GPC5: variants seen among roughly 807,000 people sequenced by gnomAD.
GPC5 encodes the protein glypican 5.
Under a neutral mutation model 53.9 loss-of-function variants are expected in GPC5, and 47 were observed. That is an observed-to-expected ratio of 0.87 (90% CI 0.69 to 1.11). GPC5 has a LOEUF of 1.11. Among genes scored for constraint, GPC5 ranks in the 50% most tolerant of loss-of-function variants. The probability of loss-of-function intolerance (pLI) is 0.00; values close to 1 mark genes in which losing one functional copy is unlikely to be tolerated. For missense variants in GPC5, 748 were observed against 713.1 expected, an observed-to-expected ratio of 1.05 and a Z score of -0.56; for synonymous variants, 286 against 263.3, an observed-to-expected ratio of 1.09 and a Z score of -0.84.
chr13:91,639,934 T>C (rs1406530014), intron 2 of GPC5, among the ~76,000 whole-genome samples: 5 of 152,152 alleles, frequency 3.3e-5, no homozygotes, highest in Non-Finnish European at 7.4e-5. Flanking sequence ...GAATTAAACC[T>C]AAGTCCTTCA....
intron 6 of GPC5, among the ~76,000 whole-genome samples, chr13:92,122,309 G>A (rs1489066257): frequency 1.3e-5 from 2 of 150,204 alleles, no homozygotes; most frequent in African/African-American, 4.9e-5. Flanking sequence ...TAATCTGCTG[G>A]CCCTTTTGCT....
intron 4 of GPC5, among the ~76,000 whole-genome samples, chr13:91,743,217 C>A (rs2036974211): frequency 6.6e-6 from 1 of 152,140 alleles, no homozygotes; most frequent in African/African-American, 2.4e-5. Context: ...TTGGAAAGAA[C>A]CTCAAGTTCA....
intron 7 of GPC5, among the ~76,000 whole-genome samples, chr13:92,516,017 C>T (rs1445739401): frequency 6.6e-6 from 1 of 152,070 alleles, no homozygotes; most frequent in Non-Finnish European, 1.5e-5. Context: ...ATCATATATT[C>T]TGTATTTTCA....
intron 7 of GPC5, among the ~76,000 whole-genome samples, chr13:92,780,475 C>A (rs946237570): frequency 3.3e-5 from 5 of 151,780 alleles, no homozygotes; most frequent in African/African-American, 7.3e-5. Context: ...GTTCTCTCCC[C>A]AAGTGATAAT....
chr13:91,916,392 G>T (rs1028170372), intron 6 of GPC5, among the ~76,000 whole-genome samples: 2 of 152,096 alleles, frequency 1.3e-5, no homozygotes, highest in African/African-American at 4.8e-5. Context: ...CAACTCAAAT[G>T]TTCCTCAATT....
At chr13:91,527,609 A>G (rs1886148596) in intron 2 of GPC5, among the ~76,000 whole-genome samples, 1 of 152,238 alleles carries the variant, frequency 6.6e-6, no homozygotes, top group Admixed American at 6.5e-5. Context: ...AGCTCCACTA[A>G]GCAGTACCCC....
intron 7 of GPC5, among the ~76,000 whole-genome samples, chr13:92,849,972 C>A (rs911324733): frequency 1.3e-5 from 2 of 152,120 alleles, no homozygotes; most frequent in Non-Finnish European, 2.9e-5. Flanking sequence ...GCCAACCCTG[C>A]CATAGACATA....
chr13:91,722,504 A>C (rs1007004292), intron 3 of GPC5, among the ~76,000 whole-genome samples: 6 of 152,200 alleles, frequency 3.9e-5, no homozygotes, highest in African/African-American at 1.2e-4. Context: ...TGGTGGTTTA[A>C]TATATAGGAA....
intron 7 of GPC5, among the ~76,000 whole-genome samples, chr13:92,376,947 G>T (rs547688639): frequency 6.6e-6 from 1 of 152,036 alleles, no homozygotes; most frequent in African/African-American, 2.4e-5. Flanking sequence ...ACCCAGGAGC[G>T]GAGGTTGCAG....
chr13:91,891,831 C>T (rs1417809159), intron 5 of GPC5, among the ~76,000 whole-genome samples: 2 of 152,032 alleles, frequency 1.3e-5, no homozygotes, highest in Admixed American at 6.6e-5. Flanking sequence ...TTATTTAGCT[C>T]ATTTATCTTA....
intron 2 of GPC5, among the ~76,000 whole-genome samples, chr13:91,592,664 G>A (rs1054260825): frequency 1.3e-5 from 2 of 152,210 alleles, no homozygotes; most frequent in African/African-American, 2.4e-5. Context: ...CTGGGTGCTA[G>A]GATTTTCTTG....
At chr13:92,078,671 G>T (rs1365692028) in intron 6 of GPC5, among the ~76,000 whole-genome samples, 2 of 151,820 alleles carry the variant, frequency 1.3e-5, no homozygotes, top group African/African-American at 4.8e-5. Context: ...TTCATACACT[G>T]CTTCCAATAC....
intron 3 of GPC5, among the ~76,000 whole-genome samples, chr13:91,703,776 A>AT (rs2036041397): frequency 1.3e-5 from 2 of 152,010 alleles, no homozygotes; most frequent in Admixed American, 1.3e-4. Flanking sequence ...TTCATCTGGG[A>AT]TTTTATATAA....
intron 2 of GPC5, among the ~76,000 whole-genome samples, chr13:91,569,225 G>A (rs1199924069): frequency 6.6e-6 from 1 of 152,154 alleles, no homozygotes; most frequent in Non-Finnish European, 1.5e-5. Flanking sequence ...CTTGAAATTA[G>A]TGAGGAAAGA....
chr13:92,086,663 T>G (rs1343244837), intron 6 of GPC5, among the ~76,000 whole-genome samples: 2 of 152,090 alleles, frequency 1.3e-5, no homozygotes, highest in Non-Finnish European at 2.9e-5. Flanking sequence ...CTTTTTTTTT[T>G]CTTTCTTTCT....
intron 6 of GPC5, among the ~76,000 whole-genome samples, chr13:92,125,835 G>A (rs2041689887): frequency 6.7e-6 from 1 of 148,202 alleles, no homozygotes; most frequent in Non-Finnish European, 1.5e-5. Flanking sequence ...CATCCAATTA[G>A]CATTTGAGGA....
intron 6 of GPC5, among the ~76,000 whole-genome samples, chr13:91,943,150 T>G (rs1263783329): frequency 1.3e-5 from 2 of 152,124 alleles, no homozygotes; most frequent in Admixed American, 1.3e-4. Context: ...GAAAATCAAC[T>G]TATGCATAAG....
intron 7 of GPC5, among the ~76,000 whole-genome samples, chr13:92,436,123 C>A (rs1877295019): frequency 6.6e-6 from 1 of 152,116 alleles, no homozygotes; most frequent in African/African-American, 2.4e-5. Flanking sequence ...ACTCTAATGA[C>A]AATATCATCC....
At chr13:91,692,667 A>T (rs1456266901) in intron 2 of GPC5, among the ~76,000 whole-genome samples, 1 of 152,190 alleles carries the variant, frequency 6.6e-6, no homozygotes, top group Non-Finnish European at 1.5e-5. Flanking sequence ...ATTTTGAGAC[A>T]GAGTCTCACT....
Sources: allele counts gnomAD v4.1 joint callset (sites outside exome capture counted in the v4.1 genomes callset), GRCh38; gene constraint gnomAD v4.1.1; transcripts MANE v1.5; gene names NCBI Gene and HGNC (gene_info 2026-07-23, HGNC 2026-07-21).